The following KYNU variants were observed in gnomAD, a reference collection of about 807,000 sequenced individuals.
KYNU encodes L-kynurenine hydrolase.
Under a neutral mutation model 59.2 loss-of-function variants are expected in KYNU, and 54 were observed. The observed-to-expected ratio is 0.91, with a 90% confidence interval of 0.73 to 1.14. KYNU has a LOEUF of 1.14. Among genes scored for constraint, KYNU ranks in the 50% most tolerant of loss-of-function variants. KYNU has a pLI of 0.00. For missense variants in KYNU, 567 were observed against 554.4 expected (o/e 1.02, Z -0.23); for synonymous variants, 177 against 192.0 (o/e 0.92, Z 0.65).
chr2:142,956,996 A>T (rs1029153709), intron 6 of KYNU, among the ~76,000 whole-genome samples: 3 of 152,176 alleles, frequency 2.0e-5, no homozygotes, highest in Non-Finnish European at 4.4e-5. Flanking sequence ...AATAATAAAT[A>T]AATAAATTAA....
Position 142,986,010 on chromosome 2 carries a change from G to C in KYNU, c.891G>C (p.Thr297=). ...GAFIHEKHAH[T]IKPALVGWFG... ...TCATTCATGAAAAGCATGCCCATAC[G>C]ATTAAACCTGCGTGAGTACCATCTT... The change falls in exon 10 of 14, where the codon ACG becomes ACC. Residue 297 remains threonine (T), a synonymous_variant. Transcript: ENST00000264170. 6.2e-7 allele frequency: 1 copy of C among 1,608,754 alleles called. No individual in the cohort carries two copies.
rs543298218 is a variant in KYNU, at chr2:142,941,416, A to G, written c.374-13394A>G. On this transcript the variant is annotated intron_variant, in intron 4 of 13. Transcript: ENST00000264170. ...TGTCTTTGAATGCTGCATTAGTTAA[A>G]TTAGATGTGTTTGGTCCCAAAATAT... Among the ~76,000 whole-genome samples, 14 of 152,336 alleles carry G rather than the reference A, an allele frequency of 9.2e-5. No homozygotes were observed. In the South Asian group the frequency reaches 1.4e-3, roughly 16 times the overall value.
intron 4 of KYNU, among the ~76,000 whole-genome samples, chr2:142,949,136 C>T (rs1018424720): frequency 6.6e-6 from 1 of 152,206 alleles, no homozygotes; most frequent in Non-Finnish European, 1.5e-5. Flanking sequence ...GAGGTGGGTT[C>T]CCATGTGGTC....
At chr2:142,883,248 C>T (rs1318634664) in intron 1 of KYNU, among the ~76,000 whole-genome samples, 2 of 121,402 alleles carry the variant, frequency 1.6e-5, no homozygotes, top group African/African-American at 6.5e-5. Context: ...GGCTGGAGTG[C>T]AGTGGTGCAA....
intron 10 of KYNU, among the ~76,000 whole-genome samples, chr2:142,990,751 G>A (rs1238814548): frequency 1.3e-5 from 2 of 151,832 alleles, no homozygotes; most frequent in Non-Finnish European, 2.9e-5. Context: ...GAATGGGGCC[G>A]ACTGACAATT....
intron 10 of KYNU, among the ~76,000 whole-genome samples, chr2:143,009,808 A>G (rs1686033165): frequency 8.5e-6 from 1 of 118,070 alleles, no homozygotes; most frequent in African/African-American, 3.9e-5. Context: ...AAAGACAAAA[A>G]CCACATGATT....
intron 10 of KYNU, among the ~76,000 whole-genome samples, chr2:142,998,380 TG>T (rs1196121909): frequency 1.3e-5 from 2 of 152,234 alleles, no homozygotes; most frequent in Non-Finnish European, 2.9e-5. Context: ...GCATTTCTTT[TG>T]TGTTTGGATT....
At chr2:142,989,442 T>G in intron 10 of KYNU, 5 of 983,870 alleles carry the variant, frequency 5.1e-6, no homozygotes, top group Non-Finnish European at 6.0e-6. Context: ...ATGTAACTGC[T>G]ATTGATGTCA....
chr2:142,885,886 G>T (rs1295880531), intron 2 of KYNU, among the ~76,000 whole-genome samples: 1 of 152,158 alleles, frequency 6.6e-6, no homozygotes, highest in East Asian at 1.9e-4. Flanking sequence ...TGTTAGAATA[G>T]CTCTTATATT....
At chr2:143,001,169 G>A (rs1295977415) in intron 10 of KYNU, among the ~76,000 whole-genome samples, 1 of 152,078 alleles carries the variant, frequency 6.6e-6, no homozygotes, top group East Asian at 1.9e-4. Context: ...ATCTAGGCAA[G>A]AGGGAGTGAG....
At chr2:142,988,991 CT>C (rs1685311815) in intron 10 of KYNU, 3 of 995,080 alleles carry the variant, frequency 3.0e-6, no homozygotes, top group Non-Finnish European at 1.6e-6. Context: ...GTGTGTTTTA[CT>C]TTTTTATTCA....
intron 4 of KYNU, among the ~76,000 whole-genome samples, chr2:142,934,625 C>T (rs1683326755): frequency 1.3e-5 from 2 of 152,136 alleles, no homozygotes; most frequent in South Asian, 2.1e-4. Flanking sequence ...TTAGGTAAAG[C>T]AGTGTAGGTT....
chr2:143,038,074 T>C (rs1053847719), intron 12 of KYNU, among the ~76,000 whole-genome samples: 1 of 152,218 alleles, frequency 6.6e-6, no homozygotes, highest in Admixed American at 6.6e-5. Flanking sequence ...CAACATTCCC[T>C]ACGCCCCTTT....
chr2:142,944,290 A>T (rs1220884070), intron 4 of KYNU, among the ~76,000 whole-genome samples: 3 of 152,212 alleles, frequency 2.0e-5, no homozygotes, highest in Non-Finnish European at 4.4e-5. Flanking sequence ...TACTTAATGG[A>T]TCCATAAACA....
In KYNU at chr2:143,046,283, G is replaced by A. The variant is rs761040752; in HGVS notation, c.*4111G>A. The A allele has an allele frequency of 2.6e-5, 4 of 152,004 alleles. No individual in the cohort carries two copies. The highest frequency in any genetic ancestry group is 5.9e-5 in the Non-Finnish European group (4 of 68,004). 9.4% of individuals were successfully genotyped at this position (152,004 alleles called of 1,614,324 possible). A position where few individuals can be genotyped will look rare whatever the true frequency, so the allele number is the denominator to read the frequency against. ...GGTTGTGCATGAATATTGTATCAAT[G>A]CAATTATACTGTATATATTCTGCTT... On this transcript the variant is annotated 3_prime_UTR_variant, in exon 14 of 14. Transcript: ENST00000264170.
At chr2:142,916,852 A>C (rs566763274) in intron 2 of KYNU, among the ~76,000 whole-genome samples, 181 of 152,346 alleles carry the variant, frequency 1.2e-3, no homozygotes, top group Non-Finnish European at 2.2e-3. Context: ...GGGATTTACT[A>C]ACAGGACATG....
chr2:142,945,234 C>T (rs1179132315), intron 4 of KYNU, among the ~76,000 whole-genome samples: 1 of 152,238 alleles, frequency 6.6e-6, no homozygotes, highest in Non-Finnish European at 1.5e-5. Context: ...ATTTTACTCA[C>T]AGTAGAACTT....
chr2:142,997,893 C>T (rs953597173), intron 10 of KYNU, among the ~76,000 whole-genome samples: 11 of 152,072 alleles, frequency 7.2e-5, no homozygotes, highest in Non-Finnish European at 1.5e-4. Flanking sequence ...TTCATAACTC[C>T]TCACATCCGA....
chr2:143,006,886 C>T (rs1052686420), intron 10 of KYNU, among the ~76,000 whole-genome samples: 4 of 152,012 alleles, frequency 2.6e-5, no homozygotes, highest in African/African-American at 9.7e-5. Flanking sequence ...GAAAGGACAT[C>T]CACACCAAAA....
Sources: allele counts gnomAD v4.1 joint callset (sites outside exome capture counted in the v4.1 genomes callset), GRCh38; gene constraint gnomAD v4.1.1; transcripts MANE v1.5; gene names NCBI Gene and HGNC (gene_info 2026-07-23, HGNC 2026-07-21).